Variants in FHIT observed in about 807,000 individuals in gnomAD.
The protein encoded by FHIT is fragile histidine triad diadenosine triphosphatase, also known as bis(5'-adenosyl)-triphosphatase.
A neutral mutation model predicts 17.9 loss-of-function variants in FHIT; 19 were observed. The ratio of observed to expected loss-of-function variants is 1.06; its 90% CI spans 0.74 to 1.56. FHIT has a LOEUF of 1.56. FHIT is among the 40% of genes most tolerant of loss of function. The pLI is 0.00. For missense variants in FHIT, 248 were observed against 189.2 expected, an observed-to-expected ratio of 1.31 and a Z score of -1.82; for synonymous variants, 81 against 69.7, an observed-to-expected ratio of 1.16 and a Z score of -0.81.
intron 5 of FHIT, among the ~76,000 whole-genome samples, chr3:60,295,352 G>A (rs887517407): frequency 6.6e-6 from 1 of 152,120 alleles, no homozygotes; most frequent in Non-Finnish European, 1.5e-5. Context: ...TTTACAAGCA[G>A]CATGATGCTA....
chr3:59,781,961 T>C (rs1702607176), intron 8 of FHIT, among the ~76,000 whole-genome samples: 1 of 152,222 alleles, frequency 6.6e-6, no homozygotes, highest in Non-Finnish European at 1.5e-5. Context: ...TAGATTTGCA[T>C]TTGTCTAAAA....
At chr3:60,356,284 G>A (rs2106967235) in intron 5 of FHIT, among the ~76,000 whole-genome samples, 1 of 152,242 alleles carries the variant, frequency 6.6e-6, no homozygotes, top group African/African-American at 2.4e-5. Flanking sequence ...ATCCTCCATT[G>A]TAGAACAGAT....
At chr3:60,056,913 T>A (rs1055033884) in intron 5 of FHIT, among the ~76,000 whole-genome samples, 3 of 152,120 alleles carry the variant, frequency 2.0e-5, no homozygotes, top group Admixed American at 6.5e-5. Flanking sequence ...ACAGAACAGA[T>A]GGAGCGGTAA....
intron 3 of FHIT, among the ~76,000 whole-genome samples, chr3:60,956,573 A>C (rs1302171960): frequency 3.3e-5 from 5 of 152,334 alleles, no homozygotes; most frequent in Admixed American, 3.3e-4. Flanking sequence ...CAAAATGCCC[A>C]GAGGGGAAAA....
chr3:59,963,374 AAAGTCC>A (rs1707776761), intron 7 of FHIT, among the ~76,000 whole-genome samples: 1 of 152,176 alleles, frequency 6.6e-6, no homozygotes, highest in South Asian at 2.1e-4. Context: ...AAGTTCATTT[AAAGTCC>A]AAGTCTGAAT....
chr3:60,423,461 G>A (rs1222826130), intron 5 of FHIT, among the ~76,000 whole-genome samples: 1 of 152,050 alleles, frequency 6.6e-6, no homozygotes, highest in African/African-American at 2.4e-5. Flanking sequence ...ATAATTATCA[G>A]GAGAATATGT....
At chr3:61,051,935 C>T (rs2034043808) in intron 2 of FHIT, among the ~76,000 whole-genome samples, 1 of 152,162 alleles carries the variant, frequency 6.6e-6, no homozygotes, top group Non-Finnish European at 1.5e-5. Flanking sequence ...GTAATTTCCA[C>T]ACACCATCAG....
intron 5 of FHIT, among the ~76,000 whole-genome samples, chr3:60,328,402 AAT>A (rs1206907467): frequency 6.6e-6 from 1 of 152,238 alleles, no homozygotes; most frequent in African/African-American, 2.4e-5. Context: ...GAGGCCTTAC[AAT>A]CATGGAGGAA....
chr3:61,096,916 G>C (rs574510021), intron 2 of FHIT, among the ~76,000 whole-genome samples: 90 of 152,154 alleles, frequency 5.9e-4, no homozygotes, highest in Non-Finnish European at 1.1e-3. Flanking sequence ...TTCAAGACCA[G>C]CCTGGCCAAC....
chr3:60,757,460 T>C (rs1699475004), intron 4 of FHIT, among the ~76,000 whole-genome samples: 1 of 152,218 alleles, frequency 6.6e-6, no homozygotes. Context: ...GAAAACTTCC[T>C]TTAGGCAAAG....
At chr3:60,850,716 T>C (rs147648173) in intron 3 of FHIT, among the ~76,000 whole-genome samples, 1 of 152,084 alleles carries the variant, frequency 6.6e-6, no homozygotes, top group African/African-American at 2.4e-5. Context: ...ATAAAGCTCC[T>C]CTCCTCAGCT....
chr3:60,240,104 T>C (rs1251640841), intron 5 of FHIT, among the ~76,000 whole-genome samples: 2 of 152,316 alleles, frequency 1.3e-5, no homozygotes, highest in East Asian at 1.9e-4. Context: ...TTTGTCCTTG[T>C]TCACCAAGTT....
chr3:59,772,778 G>A (rs1043201652), intron 8 of FHIT, among the ~76,000 whole-genome samples: 5 of 152,136 alleles, frequency 3.3e-5, no homozygotes, highest in Admixed American at 1.3e-4. Flanking sequence ...AGAAGAGCTC[G>A]ATGTTACATA....
At chr3:61,105,872 G>A (rs2035975194) in intron 2 of FHIT, among the ~76,000 whole-genome samples, 1 of 152,194 alleles carries the variant, frequency 6.6e-6, no homozygotes, top group Non-Finnish European at 1.5e-5. Context: ...TCAGCCTCCA[G>A]CAACTGTTGC....
intron 5 of FHIT, among the ~76,000 whole-genome samples, chr3:60,031,296 A>G (rs898876533): frequency 6.6e-6 from 1 of 152,234 alleles, no homozygotes; most frequent in Non-Finnish European, 1.5e-5. Flanking sequence ...CCTATAGCAC[A>G]TTCACAAAAG....
At chr3:60,098,330 C>T (rs1466802433) in intron 5 of FHIT, among the ~76,000 whole-genome samples, 1 of 147,488 alleles carries the variant, frequency 6.8e-6, no homozygotes, top group South Asian at 2.3e-4. Flanking sequence ...ACAGTCCCAC[C>T]AACAGTGTAA....
At chr3:60,660,491 A>G (rs1261196425) in intron 4 of FHIT, among the ~76,000 whole-genome samples, 5 of 152,082 alleles carry the variant, frequency 3.3e-5, no homozygotes, top group African/African-American at 1.2e-4. Flanking sequence ...TGGAAATTAA[A>G]AGCCTTCAAT....
At chr3:60,989,546 A>G (rs375072068) in intron 3 of FHIT, among the ~76,000 whole-genome samples, 8 of 152,318 alleles carry the variant, frequency 5.3e-5, no homozygotes, top group African/African-American at 1.7e-4. Context: ...AGGCACAATT[A>G]TTATTCTGCT....
chr3:61,081,784 T>G (rs56260470), intron 2 of FHIT, among the ~76,000 whole-genome samples: 6,128 of 152,292 alleles, frequency 0.04, 221 homozygotes, highest in African/African-American at 0.092. Context: ...ATTACATCTG[T>G]AATGACAGTA....
Sources: gnomAD v4.1 joint callset for allele counts (sites outside exome capture counted in the v4.1 genomes callset) on GRCh38, gnomAD v4.1.1 for gene constraint, MANE v1.5 for transcripts, NCBI Gene and HGNC (gene_info 2026-07-23, HGNC 2026-07-21) for gene names.